The following THSD4 variants were observed in gnomAD, a reference collection of about 807,000 sequenced individuals.
THSD4 encodes thrombospondin type-1 domain-containing protein 4.
THSD4 carries 69 observed loss-of-function variants against 119.0 expected under a neutral mutation model. The observed-to-expected ratio is 0.58, with a 90% CI of 0.48 to 0.71. THSD4 has a LOEUF of 0.71. THSD4 is among the 30% of genes least tolerant of loss of function. The probability of loss-of-function intolerance (pLI) is 0.00; values close to 1 mark genes in which losing one functional copy is unlikely to be tolerated. For missense variants in THSD4, 1,393 were observed against 1,391.1 expected, an observed-to-expected ratio of 1.00 and a Z score of -0.02; for synonymous variants, 524 against 540.4, an observed-to-expected ratio of 0.97 and a Z score of 0.42.
At chr15:71,579,479 G>GA (rs1382915253) in intron 7 of THSD4, among the ~76,000 whole-genome samples, 1 of 152,214 alleles carries the variant, frequency 6.6e-6, no homozygotes, top group Non-Finnish European at 1.5e-5. Context: ...GCATAGGTGT[G>GA]AAAAATAATA....
intron 8 of THSD4, among the ~76,000 whole-genome samples, chr15:71,727,587 T>TATATATATATACAC (rs2052882975): frequency 1.1e-4 from 1 of 9,276 alleles, no homozygotes; most frequent in African/African-American, 2.5e-4. Context: ...TATATATATA[T>TATATATATATACAC]ACACACACAC....
intron 7 of THSD4, among the ~76,000 whole-genome samples, chr15:71,442,660 G>GTGTATGTATGTATGTATATATATA: frequency 2.3e-4 from 6 of 25,818 alleles, no homozygotes; most frequent in East Asian, 8.2e-4. Flanking sequence ...GTGTGTGTGT[G>GTGTATGTATGTATGTATATATATA]TATATATATA....
At chr15:71,113,428 C>T (rs546373948), upstream of THSD4, 81 of 152,308 alleles carry the variant, frequency 5.3e-4, no homozygotes, top group African/African-American at 1.9e-3. Context: ...ATTCTTTGTA[C>T]TATTTGTGAA....
intron 7 of THSD4, among the ~76,000 whole-genome samples, chr15:71,441,993 T>C (rs531553850): frequency 1.3e-5 from 2 of 152,178 alleles, no homozygotes; most frequent in East Asian, 3.9e-4. Flanking sequence ...AGAGTCTTGC[T>C]CTGTCACCAG....
intron 3 of THSD4, among the ~76,000 whole-genome samples, chr15:71,164,161 C>T (rs2043270498): frequency 6.7e-6 from 1 of 150,312 alleles, no homozygotes; most frequent in South Asian, 2.1e-4. Context: ...TTATGATATG[C>T]AGGGTGGGTA....
intron 7 of THSD4, among the ~76,000 whole-genome samples, chr15:71,600,746 TTC>T (rs1347811746): frequency 6.7e-4 from 94 of 140,938 alleles, no homozygotes; most frequent in African/African-American, 2.7e-3. Flanking sequence ...TTTTCTTTCT[TTC>T]TTTTTTTTTT....
chr15:71,742,150 C>T (rs1472232976), intron 11 of THSD4, among the ~76,000 whole-genome samples: 2 of 152,224 alleles, frequency 1.3e-5, no homozygotes, highest in South Asian at 2.1e-4. Flanking sequence ...CACATACCCT[C>T]GCCTAAACCC....
At chr15:71,652,864 T>G (rs1026244848) in intron 7 of THSD4, among the ~76,000 whole-genome samples, 6 of 152,218 alleles carry the variant, frequency 3.9e-5, no homozygotes, top group Non-Finnish European at 8.8e-5. Context: ...CATGGACCAT[T>G]TCTTCTCTTC....
intron 3 of THSD4, among the ~76,000 whole-genome samples, chr15:71,158,023 A>G (rs2040797125): frequency 6.6e-6 from 1 of 151,362 alleles, no homozygotes; most frequent in South Asian, 2.1e-4. Flanking sequence ...GTTGGATCCT[A>G]TGGTGGTTCT....
In THSD4 at chr15:71,442,576, A is replaced by AT. The variant is rs1352348088; in HGVS notation, c.1152+30753_1152+30754insT. 2.3e-4 allele frequency among the ~76,000 whole-genome samples: 14 copies of AT among 60,774 alleles called. 2 individuals are homozygous for AT. The highest frequency in any genetic ancestry group is 7.7e-4 in the African/African-American group (14 of 18,104). The allele number at this position is 60,774 out of a possible 152,430, so 39.9% of individuals were successfully genotyped here. On this transcript the variant is annotated intron_variant, in intron 7 of 17. Coordinates refer to ENST00000261862, the MANE Select transcript of THSD4 (RefSeq NM_024817.3). ...AGAGCAAAACTCCATCTCAAAAAAA[A>AT]AAAATATATATATATATATATATAT... is the stretch of plus-strand genomic sequence containing the variant.
At chr15:71,203,060 A>C (rs2043816084) in intron 3 of THSD4, among the ~76,000 whole-genome samples, 1 of 152,152 alleles carries the variant, frequency 6.6e-6, no homozygotes, top group South Asian at 2.1e-4. Context: ...GCCCTGGAGA[A>C]TGGGAGAGAG....
At chr15:71,192,966 A>G (rs12148728) in intron 3 of THSD4, among the ~76,000 whole-genome samples, 17,562 of 152,212 alleles carry the variant, frequency 0.12, 1,330 homozygotes, top group East Asian at 0.39. Context: ...AAGTTTGCAT[A>G]AAATGGAGAC....
At chr15:71,710,780 G>A (rs995169987) in intron 8 of THSD4, among the ~76,000 whole-genome samples, 1 of 152,026 alleles carries the variant, frequency 6.6e-6, no homozygotes, top group Admixed American at 6.6e-5. Context: ...ACAATTTCAT[G>A]GTACGTTCTG....
At chr15:71,637,513 T>C (rs1476479752) in intron 7 of THSD4, among the ~76,000 whole-genome samples, 4 of 151,800 alleles carry the variant, frequency 2.6e-5, no homozygotes, top group African/African-American at 9.7e-5. Context: ...GCAGGGAAAG[T>C]GAAGCTACTG....
At chr15:71,239,054 T>C (rs1373374780) in intron 4 of THSD4, among the ~76,000 whole-genome samples, 1 of 152,224 alleles carries the variant, frequency 6.6e-6, no homozygotes, top group African/African-American at 2.4e-5. Context: ...CCAAAGTTGG[T>C]AGAGCTATTA....
At chr15:71,165,179 G>A (rs1025684710) in intron 3 of THSD4, 3 of 1,582,700 alleles carry the variant, frequency 1.9e-6, no homozygotes, top group African/African-American at 2.7e-5. Context: ...CCCTTTGGGA[G>A]GGATGTAGGT....
At chr15:71,325,730 C>T (rs2045328634) in intron 6 of THSD4, among the ~76,000 whole-genome samples, 1 of 152,062 alleles carries the variant, frequency 6.6e-6, no homozygotes, top group Admixed American at 6.5e-5. Flanking sequence ...ATTGAAATGC[C>T]AAGCCCAGGT....
intron 6 of THSD4, among the ~76,000 whole-genome samples, chr15:71,325,243 G>A (rs1281422401): frequency 6.6e-6 from 1 of 152,134 alleles, no homozygotes; most frequent in African/African-American, 2.4e-5. Context: ...ACATGTACAG[G>A]AATCATATCT....
At chr15:71,341,493 T>G in intron 6 of THSD4, 1 of 1,613,206 alleles carries the variant, frequency 6.2e-7, no homozygotes, top group Non-Finnish European at 8.5e-7. Flanking sequence ...CCCCACTGCT[T>G]GGCCTGCGCA....
Sources: gnomAD v4.1 joint callset for allele counts (sites outside exome capture counted in the v4.1 genomes callset) on GRCh38, gnomAD v4.1.1 for gene constraint, MANE v1.5 for transcripts, NCBI Gene and HGNC (gene_info 2026-07-23, HGNC 2026-07-21) for gene names.